ALKAL1: variants seen among roughly 807,000 people sequenced by gnomAD.
ALKAL1 encodes the protein AUG-beta.
In ALKAL1, 23 loss-of-function variants were observed where a neutral mutation model predicts 13.5. That is an observed-to-expected ratio of 1.70 (90% CI 1.23 to 2.41). ALKAL1 has a LOEUF of 2.41. Ranked by LOEUF, ALKAL1 falls within the 30% of genes most tolerant of loss-of-function variation. ALKAL1 has a pLI of 0.00. For missense variants in ALKAL1, 181 were observed against 178.4 expected (o/e 1.01, Z -0.08); for synonymous variants, 85 against 77.7 (o/e 1.09, Z -0.49).
At chr8:52,539,176 C>T (rs1590864830) in intron 3 of ALKAL1, among the ~76,000 whole-genome samples, 1 of 152,148 alleles carries the variant, frequency 6.6e-6, no homozygotes, top group South Asian at 2.1e-4. Context: ...TCAAGATGAG[C>T]AATCTAGTTA....
At chr8:52,561,256 C>T (rs750848724) in intron 1 of ALKAL1, among the ~76,000 whole-genome samples, 3 of 152,136 alleles carry the variant, frequency 2.0e-5, no homozygotes, top group Admixed American at 6.5e-5. Context: ...CCCACTATTA[C>T]GCAAGCCCCT....
At position 52,536,203 on chromosome 8, in the gene ALKAL1, TG is replaced by T. The variant is rs1331074023; in HGVS notation, c.*13-1604del. Among the ~76,000 whole-genome samples the T allele has an allele frequency of 2.6e-5, 4 of 152,328 alleles. No individual in the cohort carries two copies. The East Asian group carries it at 7.7e-4, about 29-fold the overall frequency. On this transcript the variant is annotated intron_variant, in intron 4 of 4. Transcript: ENST00000358543. ...ATCCACCCGCCTCGGCGTCCCAAAG[TG>T]CTGGGATTACAGGCGTGAGCCACCA...
intron 1 of ALKAL1, among the ~76,000 whole-genome samples, chr8:52,542,688 C>T (rs1218048485): frequency 6.6e-6 from 1 of 152,180 alleles, no homozygotes; most frequent in East Asian, 1.9e-4. Flanking sequence ...TGCACAGCCG[C>T]AATGGAAGGT....
At chr8:52,554,152 A>T (rs1173563658) in intron 1 of ALKAL1, among the ~76,000 whole-genome samples, 1 of 152,190 alleles carries the variant, frequency 6.6e-6, no homozygotes, top group East Asian at 1.9e-4. Context: ...TGAATCCGGG[A>T]GGTGGAGGTT....
intron 1 of ALKAL1, among the ~76,000 whole-genome samples, chr8:52,561,530 G>C (rs1847550537): frequency 6.6e-6 from 1 of 152,198 alleles, no homozygotes; most frequent in Non-Finnish European, 1.5e-5. Flanking sequence ...GACTGGCACA[G>C]AGGCACTTAC....
intron 1 of ALKAL1, among the ~76,000 whole-genome samples, chr8:52,543,963 C>T (rs1252786381): frequency 6.6e-6 from 1 of 151,760 alleles, no homozygotes. Context: ...AGTAAATTAC[C>T]CTCCTCATCT....
At chr8:52,564,278 C>T (rs1847579162) in intron 1 of ALKAL1, among the ~76,000 whole-genome samples, 1 of 152,192 alleles carries the variant, frequency 6.6e-6, no homozygotes, top group Non-Finnish European at 1.5e-5. Flanking sequence ...AGGAGCTTCT[C>T]GCTTCTGTCC....
chr8:52,538,576 T>C (rs985976964), intron 3 of ALKAL1, 69 bp from the exon 4 acceptor site: 11 of 968,566 alleles, frequency 1.1e-5, no homozygotes, highest in Non-Finnish European at 1.6e-5. Flanking sequence ...CCTGTTATTA[T>C]TGTCACTAAT....
chr8:52,537,481 C>G (rs1847275289), intron 4 of ALKAL1, among the ~76,000 whole-genome samples: 1 of 152,022 alleles, frequency 6.6e-6, no homozygotes, highest in Admixed American at 6.6e-5. Flanking sequence ...GGGTATTTAT[C>G]CAAAGGAAAG....
Position 52,565,340 on chromosome 8 carries a change from A to C in ALKAL1, c.-84T>G. ...AGGGTGCGCGGCCCAAGAGAAGGCC[A>C]GCGGGACCACAGCGCGGCTACGCGG... is the stretch of plus-strand genomic sequence containing the variant. On this transcript the variant is annotated 5_prime_UTR_variant, in exon 1 of 5. Transcript: ENST00000358543. The C allele has an allele frequency of 2.7e-6, 3 of 1,105,324 alleles. No individual in the cohort carries two copies. The Admixed American group carries it at 1.3e-4, about 47-fold the overall frequency. The allele number at this position is 1,105,324 out of a possible 1,614,324, so 68.5% of individuals were successfully genotyped here.
At chr8:52,563,988 G>A (rs987927288) in intron 1 of ALKAL1, among the ~76,000 whole-genome samples, 6 of 152,376 alleles carry the variant, frequency 3.9e-5, no homozygotes, top group African/African-American at 1.2e-4. Flanking sequence ...TTTGTGGAGT[G>A]AATAAGTATA....
intron 1 of ALKAL1, 95 bp downstream of exon 1, chr8:52,564,972 A>T: frequency 9.8e-7 from 1 of 1,017,880 alleles, no homozygotes; most frequent in Non-Finnish European, 1.3e-6. Context: ...TACTAATCTC[A>T]GGCTTCCCAA....
chr8:52,564,719 T>C (rs922668951), intron 1 of ALKAL1, among the ~76,000 whole-genome samples: 1 of 152,098 alleles, frequency 6.6e-6, no homozygotes, highest in Non-Finnish European at 1.5e-5. Context: ...GATCCAGAAA[T>C]GGGGTGCTGA....
At chr8:52,565,019 G>T in intron 1 of ALKAL1, 48 bp downstream of exon 1, 1 of 1,305,786 alleles carries the variant, frequency 7.7e-7, no homozygotes. Context: ...GGAATCCACG[G>T]AGCCCCAGGC....
intron 1 of ALKAL1, among the ~76,000 whole-genome samples, chr8:52,557,429 T>TA (rs1590870207): frequency 6.6e-6 from 1 of 152,244 alleles, no homozygotes; most frequent in Non-Finnish European, 1.5e-5. Context: ...CTCATGGAAA[T>TA]GATCAATAGC....
rs1056832829 is a variant in ALKAL1, at chr8:52,534,386, C to T, written c.*227G>A. ...TCTAATTTTCAATATGCGATTCAAA[C>T]TCTGTTTTACAAAATTATAAATTAC... On this transcript the variant is annotated 3_prime_UTR_variant, in exon 5 of 5. Transcript: ENST00000358543. The T allele has an allele frequency of 2.2e-5, 8 of 370,730 alleles. No individual in the cohort carries two copies. The highest frequency in any genetic ancestry group is 4.2e-5 in the African/African-American group (2 of 47,908). 23.0% of individuals were successfully genotyped at this position (370,730 alleles called of 1,614,324 possible). A position where few individuals can be genotyped will look rare whatever the true frequency, so the allele number is the denominator to read the frequency against.
chr8:52,550,635 G>C (rs1847419997), intron 1 of ALKAL1, among the ~76,000 whole-genome samples: 1 of 152,196 alleles, frequency 6.6e-6, no homozygotes, highest in South Asian at 2.1e-4. Flanking sequence ...AAATCAAGAT[G>C]TGGGCAGGGC....
chr8:52,546,375 A>G (rs1274015867), intron 1 of ALKAL1, among the ~76,000 whole-genome samples: 1 of 152,218 alleles, frequency 6.6e-6, no homozygotes, highest in East Asian at 1.9e-4. Context: ...TAGAAAGCAG[A>G]AAAGTTCCTC....
rs1431521963 is a variant in ALKAL1 at position 52,560,514 on chromosome 8, G to GA, written c.190+4552dup. 7.9e-5 allele frequency among the ~76,000 whole-genome samples: 12 copies of GA among 152,150 alleles called. No individual in the cohort carries two copies. The East Asian group carries it at 1.4e-3, about 17-fold the overall frequency. The stretch of plus-strand genomic sequence containing the variant: ...TCCAGCAATAAAACTGAAGGCCAAA[G>GA]AAAAAAATTGCCATTAAAAAGGAAT... On this transcript the variant is annotated intron_variant, in intron 1 of 4. Coordinates refer to ENST00000358543, the MANE Select transcript of ALKAL1 (RefSeq NM_207413.4).
Sources: allele counts gnomAD v4.1 joint callset (sites outside exome capture counted in the v4.1 genomes callset), GRCh38; gene constraint gnomAD v4.1.1; transcripts MANE v1.5; gene names NCBI Gene and HGNC (gene_info 2026-07-23, HGNC 2026-07-21).